Variants in DSTYK observed in about 807,000 individuals in gnomAD.
DSTYK encodes the protein dual serine/threonine and tyrosine protein kinase.
Under a neutral mutation model 98.7 loss-of-function variants are expected in DSTYK, and 34 were observed. The observed-to-expected ratio is 0.34, with a 90% CI of 0.26 to 0.46. The LOEUF (loss-of-function observed/expected upper bound fraction) is 0.46, where lower values mean the gene tolerates loss of function less well. Among genes scored for constraint, DSTYK ranks in the 20% least tolerant of loss-of-function variants. DSTYK has a pLI of 1.00. For missense variants in DSTYK, 962 were observed against 1,181.7 expected, an observed-to-expected ratio of 0.81 and a Z score of 2.73; for synonymous variants, 462 against 457.3, an observed-to-expected ratio of 1.01 and a Z score of -0.13.
chr1:205,178,371 G>T (rs1658293660), intron 2 of DSTYK, among the ~76,000 whole-genome samples: 1 of 151,830 alleles, frequency 6.6e-6, no homozygotes, highest in African/African-American at 2.4e-5. Context: ...AAACACCCAG[G>T]TATCTACTGA....
Position 205,150,750 on chromosome 1 carries a change from G to A in DSTYK, c.2397C>T (p.Cys799=). 6.2e-7 allele frequency: 1 copy of A among 1,614,128 alleles called. No individual in the cohort carries two copies. Among genetic ancestry groups the A allele is most frequent in the Non-Finnish European group, 8.5e-7 (1 of 1,180,020 alleles). Residue 799 remains cysteine (C), a synonymous_variant, in exon 11 of 13, where the codon TGC becomes TGT. Coordinates refer to ENST00000367162, the MANE Select transcript of DSTYK (RefSeq NM_015375.3). This position sits in a 1 kb window ranked among gnomAD's most constrained non-coding sequence, Gnocchi z 4.1. ...TGCCTGACATCATGGCCTCTGGCTT[G>A]CAGAATCCTAAGTCAGTGATCTTGG... The part of the protein sequence containing the change: ...NRAKITDLGF[C]KPEAMMSGSI...
chr1:205,165,771 TA>T (rs1279686570), intron 3 of DSTYK, among the ~76,000 whole-genome samples: 1 of 152,162 alleles, frequency 6.6e-6, no homozygotes, highest in Non-Finnish European at 1.5e-5. Flanking sequence ...CATTTTGTAT[TA>T]GCGAAAGAGA....
intron 1 of DSTYK, among the ~76,000 whole-genome samples, chr1:205,194,653 G>A (rs1443472574): frequency 1.3e-5 from 2 of 150,804 alleles, no homozygotes; most frequent in African/African-American, 4.9e-5. Context: ...AAAGTGCTAG[G>A]ATTATAGGCA....
At position 205,162,992 on chromosome 1, in the gene DSTYK, G is replaced by A. The variant is rs1192347039; in HGVS notation, c.1572C>T (p.Ala524=). 3.7e-6 allele frequency: 6 copies of A among 1,613,874 alleles called. No homozygotes were observed. The highest frequency in any genetic ancestry group is 5.1e-6 in the Non-Finnish European group (6 of 1,179,928). The part of the protein sequence containing the change: ...SNYLKQILNA[A]YHVEVTFHSG... ...AGTGAAACGTGACTTCAACATGATA[G>A]GCAGCATTTAAGATCTGAAAGAGAC... Residue 524 remains alanine, a synonymous_variant, in exon 5 of 13, where the codon GCC becomes GCT. Coordinates refer to ENST00000367162, the MANE Select transcript of DSTYK (RefSeq NM_015375.3).
intron 1 of DSTYK, among the ~76,000 whole-genome samples, chr1:205,201,405 C>CAAAAAAAAA (rs67120994): frequency 1.0e-5 from 1 of 95,482 alleles, no homozygotes; most frequent in Non-Finnish European, 1.9e-5. Flanking sequence ...TTTTTTAATG[C>CAAAAAAAAA]AAAAAAAAAA....
intron 10 of DSTYK, among the ~76,000 whole-genome samples, chr1:205,153,448 C>A (rs1657459780): frequency 6.6e-6 from 1 of 151,982 alleles, no homozygotes; most frequent in African/African-American, 2.4e-5. Context: ...TTAAAGGAGA[C>A]TAAAGAAACA....
chr1:205,179,039 G>C, intron 2 of DSTYK, among the ~76,000 whole-genome samples: 1 of 151,936 alleles, frequency 6.6e-6, no homozygotes, highest in African/African-American at 2.4e-5. Context: ...TGAGGTGAGA[G>C]GATCACTTGA....
intron 1 of DSTYK, 131 bp from the exon 2 acceptor site, chr1:205,187,937 C>T: frequency 2.2e-6 from 2 of 903,958 alleles, no homozygotes; most frequent in Non-Finnish European, 3.2e-6. Context: ...TTCTAGGAAC[C>T]TTGGTTGAAG....
intron 1 of DSTYK, among the ~76,000 whole-genome samples, chr1:205,188,396 A>G (rs1034410970): frequency 7.9e-5 from 12 of 152,190 alleles, no homozygotes; most frequent in African/African-American, 2.9e-4. Flanking sequence ...GGTATAGCCT[A>G]CTACACACCT....
chr1:205,210,089 ACGG>A (rs1659327397), intron 1 of DSTYK, among the ~76,000 whole-genome samples: 4 of 152,106 alleles, frequency 2.6e-5, no homozygotes, highest in South Asian at 2.1e-4. Context: ...TTTGGTAGAG[ACGG>A]GGTTTCACCA....
At chr1:205,184,469 G>A (rs1201250439) in intron 2 of DSTYK, among the ~76,000 whole-genome samples, 7 of 151,974 alleles carry the variant, frequency 4.6e-5, no homozygotes, top group Non-Finnish European at 8.8e-5. Flanking sequence ...CTACTTGGGA[G>A]GCTAAGGAAA....
At position 205,168,748 on chromosome 1, in the gene DSTYK, C is replaced by A. The variant is rs548670295; in HGVS notation, c.1324+415G>T. On this transcript the variant is annotated intron_variant, in intron 3 of 12. Coordinates refer to ENST00000367162, the MANE Select transcript of DSTYK (RefSeq NM_015375.3). ...TCCTGATGTGGGCTTCAGAAGCAGC[C>A]TGAAAGGAAATTAGACCATGAGACA... 5.9e-5 allele frequency among the ~76,000 whole-genome samples: 9 copies of A among 152,246 alleles called. No homozygotes were observed. The South Asian group carries it at 1.9e-3, about 32-fold the overall frequency.
chr1:205,177,906 T>G (rs1325887474), intron 2 of DSTYK, among the ~76,000 whole-genome samples: 2 of 152,022 alleles, frequency 1.3e-5, no homozygotes, highest in East Asian at 3.8e-4. Context: ...TGACTCTTTT[T>G]GGTACATATA....
At chr1:205,157,165 C>G (rs1657586988) in intron 10 of DSTYK, 108 bp downstream of exon 10, 1 of 881,680 alleles carries the variant, frequency 1.1e-6, no homozygotes, top group South Asian at 1.6e-5. Context: ...GACTAATACA[C>G]TTTCTGTGAG....
At chr1:205,201,480 T>C (rs929584121) in intron 1 of DSTYK, among the ~76,000 whole-genome samples, 8 of 148,068 alleles carry the variant, frequency 5.4e-5, no homozygotes, top group Non-Finnish European at 9.0e-5. Flanking sequence ...TGTTCTTTTT[T>C]AGGGGCCCAG....
chr1:205,209,995 G>T (rs1039487997), intron 1 of DSTYK, among the ~76,000 whole-genome samples: 5 of 151,960 alleles, frequency 3.3e-5, no homozygotes, highest in African/African-American at 1.2e-4. Context: ...CCGCCGCCTG[G>T]TTTCAAGCGA....
At chr1:205,156,034 G>A (rs983687944) in intron 10 of DSTYK, among the ~76,000 whole-genome samples, 1 of 152,254 alleles carries the variant, frequency 6.6e-6, no homozygotes, top group African/African-American at 2.4e-5. Context: ...TGTGGTGTTG[G>A]GCCTGCAGGT....
chr1:205,206,688 T>C (rs1389565483), intron 1 of DSTYK, among the ~76,000 whole-genome samples: 1 of 151,390 alleles, frequency 6.6e-6, no homozygotes, highest in Non-Finnish European at 1.5e-5. Flanking sequence ...ATTCAAGCGA[T>C]TCTCCTGCCT....
intron 2 of DSTYK, chr1:205,173,390 C>CAAAAAAAAAAAAAA (rs570805658): frequency 2.4e-5 from 2 of 82,606 alleles, no homozygotes; most frequent in Non-Finnish European, 2.2e-5. Context: ...GAGACTGTCT[C>CAAAAAAAAAAAAAA]AAAAAAAAAA....
Sources: gnomAD v4.1 joint callset for allele counts (sites outside exome capture counted in the v4.1 genomes callset) on GRCh38, gnomAD v4.1.1 for gene constraint, Gnocchi (gnomAD v3.1) non-coding constraint, MANE v1.5 for transcripts, NCBI Gene and HGNC (gene_info 2026-07-23, HGNC 2026-07-21) for gene names.